Variants in SHANK2 observed in about 807,000 individuals in gnomAD.
SHANK2 encodes the protein SH3 and multiple ankyrin repeat domains protein 2.
Under a neutral mutation model 133.7 loss-of-function variants are expected in SHANK2, and 43 were observed. The ratio of observed to expected loss-of-function variants is 0.32; its 90% confidence interval spans 0.25 to 0.41. The LOEUF is 0.41. Ranked by LOEUF, SHANK2 falls within the 10% of genes least tolerant of loss-of-function variation. The pLI is 1.00. For synonymous variants in SHANK2, 1,017 were observed against 952.8 expected (o/e 1.07, Z -1.24); for missense variants, 1,994 against 2,235.8 (o/e 0.89, Z 2.18).
chr11:70,615,329 C>G (rs1161623819), intron 17 of SHANK2, among the ~76,000 whole-genome samples: 1 of 152,162 alleles, frequency 6.6e-6, no homozygotes, highest in Admixed American at 6.5e-5. Context: ...GCCCAGTTCT[C>G]CCCTCTCTTT....
At chr11:70,701,811 T>A (rs190044239) in intron 14 of SHANK2, among the ~76,000 whole-genome samples, 186 of 152,242 alleles carry the variant, frequency 1.2e-3, no homozygotes, top group Middle Eastern at 3.4e-3. Flanking sequence ...ATACTTGGGC[T>A]CTGGGATATG....
chr11:70,636,067 C>T (rs527909534), intron 17 of SHANK2, among the ~76,000 whole-genome samples: 9 of 152,286 alleles, frequency 5.9e-5, no homozygotes, highest in Non-Finnish European at 1.2e-4. Context: ...CTCTACCCTC[C>T]TCTTCAGGTC....
intron 10 of SHANK2, among the ~76,000 whole-genome samples, chr11:70,896,940 C>T (rs1161388448): frequency 6.6e-6 from 1 of 152,148 alleles, no homozygotes; most frequent in East Asian, 1.9e-4. Context: ...AGCTCTGACA[C>T]CCCGGAGCCC....
At chr11:70,849,085 C>T (rs1194659568) in intron 11 of SHANK2, among the ~76,000 whole-genome samples, 5 of 152,066 alleles carry the variant, frequency 3.3e-5, no homozygotes, top group South Asian at 2.1e-4. Context: ...CCTCACACTC[C>T]GGAATGTTCA....
chr11:71,105,236 T>C (rs1437679673), intron 6 of SHANK2, among the ~76,000 whole-genome samples: 1 of 152,148 alleles, frequency 6.6e-6, no homozygotes, highest in African/African-American at 2.4e-5. Context: ...TGAAACCCAC[T>C]GTGTGATTTT....
intron 1 of SHANK2, among the ~76,000 whole-genome samples, chr11:71,241,983 C>T (rs1954898682): frequency 6.6e-6 from 1 of 152,198 alleles, no homozygotes. Flanking sequence ...GGTGAAGCCA[C>T]CCAGGTCCTC....
At position 70,947,302 on chromosome 11, in the gene SHANK2, G is replaced by C. The variant is rs544204589; in HGVS notation, c.1108-50735C>G. Among the ~76,000 whole-genome samples, 8 of 151,890 alleles carry C rather than the reference G, an allele frequency of 5.3e-5. No individual in the cohort carries two copies. The South Asian group carries it at 1.7e-3, about 32-fold the overall frequency. ...CCAGAACATTGTGCAGTAGGGTCTG[G>C]CTGCAGAGCACCTGAAACATGGGAA... On this transcript the variant is annotated intron_variant, in intron 10 of 25. Coordinates refer to ENST00000601538, the MANE Select transcript of SHANK2 (RefSeq NM_012309.5).
intron 17 of SHANK2, among the ~76,000 whole-genome samples, chr11:70,504,698 G>A (rs879982880): frequency 6.6e-6 from 1 of 152,168 alleles, no homozygotes; most frequent in Admixed American, 6.5e-5. Flanking sequence ...GGTGACTCCT[G>A]GGGGCTGTTC....
At chr11:70,941,873 T>A (rs1950653019) in intron 10 of SHANK2, among the ~76,000 whole-genome samples, 2 of 150,906 alleles carry the variant, frequency 1.3e-5, no homozygotes, top group Non-Finnish European at 1.5e-5. Flanking sequence ...AATAATAATA[T>A]AATAATACTG....
At chr11:71,251,829 C>T (rs1486376148) in intron 1 of SHANK2, among the ~76,000 whole-genome samples, 5 of 151,466 alleles carry the variant, frequency 3.3e-5, no homozygotes, top group African/African-American at 1.2e-4. Context: ...CTGCTGCTGC[C>T]GCCGCGCGCG....
chr11:70,857,168 A>G (rs942716127), intron 11 of SHANK2, among the ~76,000 whole-genome samples: 2 of 152,234 alleles, frequency 1.3e-5, no homozygotes, highest in East Asian at 3.8e-4. Flanking sequence ...AGTGGACTCC[A>G]AGGGCTGGAG....
intron 8 of SHANK2, among the ~76,000 whole-genome samples, chr11:71,075,658 C>T (rs1951209012): frequency 6.6e-6 from 1 of 152,334 alleles, no homozygotes; most frequent in South Asian, 2.1e-4. Flanking sequence ...AAGGCTCAGA[C>T]CCGGCTTCAG....
At chr11:70,896,175 G>C (rs1191791312) in intron 11 of SHANK2, among the ~76,000 whole-genome samples, 1 of 152,174 alleles carries the variant, frequency 6.6e-6, no homozygotes, top group Non-Finnish European at 1.5e-5. Context: ...AACACTTCCT[G>C]TTCCTCTCCC....
At chr11:70,740,895 C>T (rs1286301315) in intron 14 of SHANK2, among the ~76,000 whole-genome samples, 2 of 152,144 alleles carry the variant, frequency 1.3e-5, no homozygotes, top group African/African-American at 4.8e-5. Flanking sequence ...TCCTGAGTAC[C>T]TGCAGCCCCT....
intron 3 of SHANK2, among the ~76,000 whole-genome samples, chr11:71,144,308 C>T (rs1555106320): frequency 1.3e-5 from 2 of 152,208 alleles, no homozygotes; most frequent in Non-Finnish European, 2.9e-5. Flanking sequence ...CTGCGTTTCC[C>T]AGCCTACTCT....
At chr11:71,090,936 C>A (rs1951507556) in intron 8 of SHANK2, among the ~76,000 whole-genome samples, 1 of 152,066 alleles carries the variant, frequency 6.6e-6, no homozygotes, top group African/African-American at 2.4e-5. Context: ...ATGGGGCCCA[C>A]CCACATCATG....
intron 17 of SHANK2, among the ~76,000 whole-genome samples, chr11:70,638,905 G>A (rs1465741566): frequency 1.3e-5 from 2 of 152,100 alleles, no homozygotes; most frequent in African/African-American, 4.8e-5. Flanking sequence ...GCTGAGGCAG[G>A]AGAAGCATTT....
At chr11:70,539,197 G>A (rs571498063) in intron 17 of SHANK2, among the ~76,000 whole-genome samples, 56 of 152,294 alleles carry the variant, frequency 3.7e-4, no homozygotes, top group Non-Finnish European at 6.9e-4. Context: ...GAGCGTGCAC[G>A]GCCGACCCCA....
At chr11:71,102,540 G>T (rs560112290) in intron 6 of SHANK2, among the ~76,000 whole-genome samples, 3 of 152,326 alleles carry the variant, frequency 2.0e-5, no homozygotes, top group African/African-American at 7.2e-5. Context: ...TCTAAGCACA[G>T]ACTCTGCTGT....
Sources: gnomAD v4.1 joint callset for allele counts (sites outside exome capture counted in the v4.1 genomes callset) on GRCh38, gnomAD v4.1.1 for gene constraint, MANE v1.5 for transcripts, NCBI Gene and HGNC (gene_info 2026-07-23, HGNC 2026-07-21) for gene names.